KLKB1: variants seen among roughly 807,000 people sequenced by gnomAD.
KLKB1 encodes the protein kallikrein B1, also known as plasma kallikrein.
In KLKB1, 58 loss-of-function variants were observed where a neutral mutation model predicts 73.6. That is an observed-to-expected ratio of 0.79 (90% CI 0.64 to 0.98). The LOEUF is 0.98. KLKB1 is among the 50% of genes least tolerant of loss of function. The pLI, the probability that KLKB1 is intolerant of heterozygous loss-of-function variation, is 0.00. For synonymous variants in KLKB1, 280 were observed against 258.1 expected, an observed-to-expected ratio of 1.08 and a Z score of -0.81; for missense variants, 737 against 763.8, an observed-to-expected ratio of 0.96 and a Z score of 0.41.
chr4:186,226,817 A>G (rs796590401), upstream of KLKB1, among the ~76,000 whole-genome samples: 3 of 152,260 alleles, frequency 2.0e-5, no homozygotes, highest in African/African-American at 7.2e-5. Flanking sequence ...TTCTAGGCCC[A>G]TGGGTGCCAA....
intron 2 of KLKB1, among the ~76,000 whole-genome samples, chr4:186,221,329 G>A (rs1579986533): frequency 6.8e-6 from 1 of 147,934 alleles, no homozygotes; most frequent in Non-Finnish European, 1.5e-5. Flanking sequence ...TTCTTCCTCT[G>A]TCTTTGGGCT....
Position 186,250,313 on chromosome 4 carries a change from T to A in KLKB1, c.669T>A (p.Asp223Glu). 1 of 1,614,128 alleles carries A rather than the reference T, an allele frequency of 6.2e-7. No individual in the cohort carries two copies. The highest frequency in any genetic ancestry group is 1.1e-5 in the South Asian group (1 of 91,086). The change falls in exon 7 of 15, where the codon GAT (aspartate) becomes GAA (glutamate). Residue 223 changes from aspartate (D) to glutamate (E), a missense_variant. By Grantham distance (45) the Asp-to-Glu change is conservative. Coordinates refer to ENST00000264690, the MANE Select transcript of KLKB1 (RefSeq NM_000892.5). ...ATGTTGCCAGGGTTCTCACTCCAGA[T>A]GCTTTTGTGTGTCGGACCATCTGCA... ...DVDVARVLTP[D>E]AFVCRTICTY...
intron 2 of KLKB1, chr4:186,211,930 T>C (rs1365514820): frequency 6.6e-6 from 1 of 152,206 alleles, no homozygotes; most frequent in East Asian, 1.9e-4. Flanking sequence ...GTCACCTTTA[T>C]ATATCATATT....
intron 8 of KLKB1, 51 bp from the exon 9 acceptor site, chr4:186,251,436 C>A (rs370753272): frequency 8.2e-5 from 129 of 1,576,368 alleles, no homozygotes; most frequent in Admixed American, 1.2e-4. Flanking sequence ...GTGTAAATGT[C>A]GTTCATTGCT....
intron 2 of KLKB1, chr4:186,211,131 G>A (rs549798175): frequency 1.0e-4 from 16 of 158,274 alleles, no homozygotes; most frequent in African/African-American, 3.1e-4. Context: ...GAGCCACCAC[G>A]CCTGGCCAGA....
At chr4:186,237,144 G>T (rs1338248798) in intron 5 of KLKB1, among the ~76,000 whole-genome samples, 1 of 152,016 alleles carries the variant, frequency 6.6e-6, no homozygotes, top group Non-Finnish European at 1.5e-5. Flanking sequence ...TGTCGCCCAG[G>T]CTAGAGTGCA....
In KLKB1 at chr4:186,236,894, C is replaced by T. The variant is rs1383915094; in HGVS notation, c.442C>T (p.Gln148Ter). ...QKRCTSNIRC[Q>*]FFSYATQTFH... Reference sequence around the variant, plus strand: ...AAGGTGCACCAGTAACATTCGCTGCCAGTTTTTTTCATATGCCACGCAAAC... The same window carrying T: ...AAGGTGCACCAGTAACATTCGCTGCTAGTTTTTTTCATATGCCACGCAAAC... Residue 148 changes from glutamine (Q) to a stop codon, truncating the protein, a stop_gained, in exon 5 of 15, where the codon CAG (glutamine) becomes TAG (stop). Coordinates refer to ENST00000264690, the MANE Select transcript of KLKB1 (RefSeq NM_000892.5). LOFTEE classifies it high-confidence loss of function. The T allele has an allele frequency of 6.2e-7, 1 of 1,613,958 alleles. No individual in the cohort carries two copies. The highest frequency in any genetic ancestry group is 8.5e-7 in the Non-Finnish European group (1 of 1,180,000).
Position 186,238,268 on chromosome 4 carries a change from A to G in KLKB1, c.501A>G (p.Leu167=). The G allele has an allele frequency of 6.2e-7, 1 of 1,612,140 alleles. No homozygotes were observed. Residue 167 remains leucine, a synonymous_variant, in exon 6 of 15, where the codon CTA becomes CTG. Coordinates refer to ENST00000264690, the MANE Select transcript of KLKB1 (RefSeq NM_000892.5). ...TCTTCCCATTCAGGAACAATTGCCT[A>G]TTAAAGTACAGTCCCGGAGGAACAC... ...FHKAEYRNNC[L]LKYSPGGTPT... is the part of the protein sequence containing the mutation.
At chr4:186,238,613 G>T (rs1737834314) in intron 6 of KLKB1, among the ~76,000 whole-genome samples, 1 of 152,206 alleles carries the variant, frequency 6.6e-6, no homozygotes, top group Non-Finnish European at 1.5e-5. Flanking sequence ...GGAAGGCTCA[G>T]AGCCAGAGAG....
intron 6 of KLKB1, among the ~76,000 whole-genome samples, chr4:186,240,607 T>C (rs909273061): frequency 1.3e-5 from 2 of 152,160 alleles, no homozygotes; most frequent in Non-Finnish European, 2.9e-5. Context: ...TTACGGCCAG[T>C]TTTCCGCAGT....
intron 11 of KLKB1, among the ~76,000 whole-genome samples, chr4:186,252,511 T>TCACCACCAATCC (rs1738740169): frequency 1.1e-5 from 1 of 87,600 alleles, no homozygotes. Flanking sequence ...ACCACCAATC[T>TCACCACCAATCC]CACCACCAAT....
intron 4 of KLKB1, 61 bp from the exon 5 acceptor site, chr4:186,236,720 A>T (rs1054499575): frequency 1.9e-6 from 3 of 1,559,302 alleles, no homozygotes; most frequent in Middle Eastern, 1.9e-4. Flanking sequence ...GGTAGTGGGT[A>T]TCTAATCTAC....
At chr4:186,216,160 T>C (rs951083853) in intron 2 of KLKB1, among the ~76,000 whole-genome samples, 1 of 152,248 alleles carries the variant, frequency 6.6e-6, no homozygotes, top group Non-Finnish European at 1.5e-5. Flanking sequence ...GAGGATGAGA[T>C]GGTCCACAAC....
chr4:186,237,141 C>T (rs1385482983), intron 5 of KLKB1, among the ~76,000 whole-genome samples: 1 of 152,078 alleles, frequency 6.6e-6, no homozygotes, highest in Non-Finnish European at 1.5e-5. Flanking sequence ...CTCTGTCGCC[C>T]AGGCTAGAGT....
At chr4:186,227,005 C>T (rs950473967), upstream of KLKB1, among the ~76,000 whole-genome samples, 1 of 152,130 alleles carries the variant, frequency 6.6e-6, no homozygotes, top group African/African-American at 2.4e-5. Flanking sequence ...CTGGTCTGGC[C>T]TGTGGCAGGC....
chr4:186,249,858 A>ACTT (rs1298826323), intron 6 of KLKB1, among the ~76,000 whole-genome samples: 1 of 152,286 alleles, frequency 6.6e-6, no homozygotes, highest in African/African-American at 2.4e-5. Context: ...TTTGTTAATC[A>ACTT]CTTCTTATTA....
Position 186,244,056 on chromosome 4 carries a change from G to A in KLKB1, c.598+5691G>A, listed in dbSNP as rs142217018. On this transcript the variant is annotated intron_variant, in intron 6 of 14. Coordinates refer to ENST00000264690, the MANE Select transcript of KLKB1 (RefSeq NM_000892.5). ...TGTTTGAACAGAAAGGCTACAGGGCGTGGTCCTGGCTCTTGTGTAAGAATT... is the reference window on the plus strand; with the variant it reads ...TGTTTGAACAGAAAGGCTACAGGGCATGGTCCTGGCTCTTGTGTAAGAATT... Among the ~76,000 whole-genome samples the A allele has an allele frequency of 3.8e-3, 586 of 152,270 alleles. 4 individuals are homozygous for A. The highest frequency in any genetic ancestry group is 0.013 in the African/African-American group (556 of 41,546).
intron 1 of KLKB1, 139 bp from the exon 2 acceptor site, chr4:186,228,056 C>A (rs1737229705): frequency 4.8e-6 from 3 of 621,176 alleles, no homozygotes; most frequent in South Asian, 1.8e-5. Flanking sequence ...CAAAAAAAAA[C>A]CCTTGTTTTC....
At chr4:186,223,886 T>C (rs369913843), upstream of KLKB1, among the ~76,000 whole-genome samples, 1 of 152,202 alleles carries the variant, frequency 6.6e-6, no homozygotes, top group Non-Finnish European at 1.5e-5. Context: ...TTCAGAGGTC[T>C]TCAAGGCAGC....
Sources: allele counts gnomAD v4.1 joint callset (sites outside exome capture counted in the v4.1 genomes callset), GRCh38; gene constraint gnomAD v4.1.1; transcripts MANE v1.5; gene names NCBI Gene and HGNC (gene_info 2026-07-23, HGNC 2026-07-21).